The following KANK1 variants were observed in gnomAD, a reference collection of about 807,000 sequenced individuals.
KANK1 encodes KN motif and ankyrin repeat domains 1.
A neutral mutation model predicts 106.2 loss-of-function variants in KANK1; 109 were observed. The ratio of observed to expected loss-of-function variants is 1.03; its 90% confidence interval spans 0.88 to 1.20. The LOEUF (loss-of-function observed/expected upper bound fraction) is 1.20, where lower values mean the gene tolerates loss of function less well. Among genes scored for constraint, KANK1 ranks in the 50% most tolerant of loss-of-function variants. The pLI, the probability that KANK1 is intolerant of heterozygous loss-of-function variation, is 0.00. For missense variants in KANK1, 2,399 were observed against 1,710.7 expected, an observed-to-expected ratio of 1.40 and a Z score of -7.10; for synonymous variants, 873 against 652.2, an observed-to-expected ratio of 1.34 and a Z score of -5.16.
chr9:636,317 C>G (rs1158720197), intron 1 of KANK1, among the ~76,000 whole-genome samples: 2 of 152,180 alleles, frequency 1.3e-5, no homozygotes, highest in Non-Finnish European at 2.9e-5. Context: ...AGACTGCTGC[C>G]ATATATTACT....
At chr9:575,272 A>G (rs1226672252) in intron 1 of KANK1, among the ~76,000 whole-genome samples, 1 of 152,240 alleles carries the variant, frequency 6.6e-6, no homozygotes. Flanking sequence ...CTGTAAAGTT[A>G]AAGCACAGAG....
At chr9:498,461 G>A (rs1288579833) in intron 3 of KANK1, among the ~76,000 whole-genome samples, 1 of 152,210 alleles carries the variant, frequency 6.6e-6, no homozygotes, top group African/African-American at 2.4e-5. Context: ...ACATGGGCAT[G>A]CTGTCAGTAG....
chr9:504,055 C>G (rs565614087), upstream of KANK1, among the ~76,000 whole-genome samples: 1 of 152,152 alleles, frequency 6.6e-6, no homozygotes, highest in Non-Finnish European at 1.5e-5. Flanking sequence ...GGCGACCGTG[C>G]TGACGAGGCA....
intron 3 of KANK1, among the ~76,000 whole-genome samples, chr9:727,378 C>T (rs767114862): frequency 5.3e-5 from 8 of 151,678 alleles, no homozygotes; most frequent in East Asian, 1.9e-4. Flanking sequence ...TGCAGTGGGA[C>T]GATCTTGGCT....
chr9:672,478 G>A (rs949523023), intron 1 of KANK1, among the ~76,000 whole-genome samples: 1 of 151,966 alleles, frequency 6.6e-6, no homozygotes, highest in Non-Finnish European at 1.5e-5. Flanking sequence ...GTTACACTTT[G>A]GGTGACATTT....
intron 1 of KANK1, among the ~76,000 whole-genome samples, chr9:610,386 A>G (rs572628325): frequency 6.6e-6 from 1 of 152,290 alleles, no homozygotes; most frequent in East Asian, 1.9e-4. Flanking sequence ...GAGAAAAGAT[A>G]GTCCTGAAGA....
chr9:548,904 C>G (rs895762749), intron 1 of KANK1, among the ~76,000 whole-genome samples: 3 of 151,850 alleles, frequency 2.0e-5, no homozygotes, highest in Non-Finnish European at 2.9e-5. Flanking sequence ...CATAGTAACA[C>G]CCTATCTTTA....
intron 1 of KANK1, among the ~76,000 whole-genome samples, chr9:532,912 T>G (rs990992843): frequency 6.6e-6 from 1 of 152,164 alleles, no homozygotes; most frequent in African/African-American, 2.4e-5. Context: ...TGTACACAGC[T>G]GCAGGAGGGA....
chr9:608,028 A>ATTTTTTTTTTTTTTT (rs1326986665), intron 1 of KANK1, among the ~76,000 whole-genome samples: 1 of 84,386 alleles, frequency 1.2e-5, no homozygotes, highest in African/African-American at 4.7e-5. Context: ...TATTATTATT[A>ATTTTTTTTTTTTTTT]TTATTATTTT....
At chr9:727,947 C>A (rs367683911) in intron 3 of KANK1, among the ~76,000 whole-genome samples, 1 of 152,102 alleles carries the variant, frequency 6.6e-6, no homozygotes, top group African/African-American at 2.4e-5. Flanking sequence ...CTAGTTCAGG[C>A]CATGATGGGA....
At chr9:706,236 A>C (rs1325754606) in intron 2 of KANK1, among the ~76,000 whole-genome samples, 1 of 152,214 alleles carries the variant, frequency 6.6e-6, no homozygotes, top group South Asian at 2.1e-4. Flanking sequence ...GGAAATAAGC[A>C]AGCCTAACTT....
At chr9:582,787 G>A (rs1349918109) in intron 1 of KANK1, among the ~76,000 whole-genome samples, 2 of 152,188 alleles carry the variant, frequency 1.3e-5, no homozygotes, top group Non-Finnish European at 2.9e-5. Flanking sequence ...AGTACAAGCT[G>A]TACATAAAAT....
chr9:671,195 C>G (rs1304943881), intron 1 of KANK1, among the ~76,000 whole-genome samples: 4 of 151,040 alleles, frequency 2.6e-5, no homozygotes, highest in Non-Finnish European at 5.9e-5. Flanking sequence ...AAATTCCTAC[C>G]ATTGCATTTA....
At chr9:546,400 T>C (rs1052015817) in intron 1 of KANK1, among the ~76,000 whole-genome samples, 4 of 152,020 alleles carry the variant, frequency 2.6e-5, no homozygotes, top group African/African-American at 9.7e-5. Context: ...CAAAGAATTA[T>C]CCAGCCCCAA....
At chr9:652,958 G>A (rs1052851353) in intron 1 of KANK1, among the ~76,000 whole-genome samples, 1 of 152,182 alleles carries the variant, frequency 6.6e-6, no homozygotes, top group African/African-American at 2.4e-5. Flanking sequence ...CATCTGTTCC[G>A]GCGTTGGCGG....
chr9:732,726 T>A, intron 6 of KANK1, 109 bp downstream of exon 6: 1 of 1,238,474 alleles, frequency 8.1e-7, no homozygotes, highest in Non-Finnish European at 1.1e-6. Context: ...TTTTATCTGT[T>A]CCTCAGAGGT....
chr9:705,105 A>G (rs1458519829), intron 2 of KANK1, among the ~76,000 whole-genome samples: 1 of 152,164 alleles, frequency 6.6e-6, no homozygotes, highest in East Asian at 1.9e-4. Flanking sequence ...CAACTGAAAC[A>G]ATATCATGGA....
At chr9:739,339 A>T (rs1229710542) in intron 8 of KANK1, among the ~76,000 whole-genome samples, 1 of 152,224 alleles carries the variant, frequency 6.6e-6, no homozygotes, top group African/African-American at 2.4e-5. Flanking sequence ...ACCTTAGAAT[A>T]TGCAATCATA....
At position 712,804 on chromosome 9, in the gene KANK1, G is replaced by C. The variant is rs1826544288; in HGVS notation, c.2038G>C (p.Val680Leu). 2.5e-6 allele frequency: 4 copies of C among 1,613,756 alleles called. No homozygotes were observed. The highest frequency in any genetic ancestry group is 3.4e-6 in the Non-Finnish European group (4 of 1,179,906). Reference sequence around the variant, plus strand: ...GGACACTAGCACAGATTTGGAACAGGTGCACCAGTTCACCAACACCGAGAC... The same window carrying C: ...GGACACTAGCACAGATTTGGAACAGCTGCACCAGTTCACCAACACCGAGAC... Reference protein sequence around the residue: ...DQDTSTDLEQVHQFTNTETAT... With the variant: ...DQDTSTDLEQLHQFTNTETAT... Residue 680 changes from valine to leucine, a missense_variant, in exon 3 of 12, where the codon GTG becomes CTG. Coordinates refer to ENST00000382297, the MANE Select transcript of KANK1 (RefSeq NM_015158.5).
Sources: gnomAD v4.1 joint callset for allele counts (sites outside exome capture counted in the v4.1 genomes callset) on GRCh38, gnomAD v4.1.1 for gene constraint, MANE v1.5 for transcripts, NCBI Gene and HGNC (gene_info 2026-07-23, HGNC 2026-07-21) for gene names.